The following RCOR2 variants were observed in gnomAD, a reference collection of about 807,000 sequenced individuals.
The protein encoded by RCOR2 is REST corepressor 2.
In RCOR2, 19 loss-of-function variants were observed where a neutral mutation model predicts 58.9. The ratio of observed to expected loss-of-function variants is 0.32; its 90% CI spans 0.23 to 0.47. The LOEUF (loss-of-function observed/expected upper bound fraction) is 0.47, where lower values mean the gene tolerates loss of function less well. RCOR2 is among the 20% of genes least tolerant of loss of function. RCOR2 has a pLI of 1.00. For missense variants in RCOR2, 590 were observed against 707.9 expected (o/e 0.83, Z 1.89); for synonymous variants, 286 against 278.7 (o/e 1.03, Z -0.26).
Position 63,916,514 on chromosome 11 carries a change from C to G in RCOR2, c.-58G>C, listed in dbSNP as rs1941860823. ...GCCTTCGGAGAGCGACAGTGGTTGC[C>G]GCACTCGCTCCGAGTGCCGAGCCCG... On this transcript the variant is annotated 5_prime_UTR_variant, in exon 1 of 12. Coordinates refer to ENST00000301459, the MANE Select transcript of RCOR2 (RefSeq NM_173587.4). 1 of 1,550,674 alleles carries G rather than the reference C, an allele frequency of 6.4e-7. No individual in the cohort carries two copies. Among genetic ancestry groups the G allele is most frequent in the Non-Finnish European group, 8.7e-7 (1 of 1,151,188 alleles).
rs1349749230 is a variant in RCOR2, at chr11:63,912,748, A to G, written c.970-15T>C. On this transcript the variant is annotated splice_polypyrimidine_tract_variant and intron_variant, in intron 9 of 11. Transcript: ENST00000301459. ...TTGGTGTTGGCCTGGAAAGCAAGGA[A>G]CAACATATCCTTTAGACTCAAAACC... The G allele has an allele frequency of 6.2e-7, 1 of 1,613,666 alleles. No individual in the cohort carries two copies. The highest frequency in any genetic ancestry group is 2.2e-5 in the East Asian group (1 of 44,900).
chr11:63,924,197 C>T, the RCOR2 span, among the ~76,000 whole-genome samples: 2 of 152,020 alleles, frequency 1.3e-5, no homozygotes, highest in African/African-American at 2.4e-5. Context: ...CGTGAGCCAC[C>T]ATGCCCGGTC....
At chr11:63,916,212 T>C in intron 1 of RCOR2, 118 bp downstream of exon 1, 12 of 950,056 alleles carry the variant, frequency 1.3e-5, no homozygotes, top group Non-Finnish European at 1.9e-5. Flanking sequence ...GAGGCTCCAA[T>C]CCAGGAGAGG....
Position 63,914,282 on chromosome 11 carries a change from A to C in RCOR2, c.654T>G (p.Asp218Glu). The C allele has an allele frequency of 6.2e-7, 1 of 1,613,496 alleles. No individual in the cohort carries two copies. Among genetic ancestry groups the C allele is most frequent in the Non-Finnish European group, 8.5e-7 (1 of 1,179,972 alleles). The change falls in exon 7 of 12, where the codon GAT (aspartate) becomes GAG (glutamate). Residue 218 changes from aspartate to glutamate, a missense_variant. Asp to Glu is a conservative substitution (Grantham distance 45, BLOSUM62 2). Transcript: ENST00000301459. ...GRGGVSEGEP[D>E]PADPKREPLP... Reference sequence around the variant, plus strand: ...TCACCTCTCTCTTGGGATCTGCAGGATCGGGCTCTCCCTCACTCACGCCTC... The same window carrying C: ...TCACCTCTCTCTTGGGATCTGCAGGCTCGGGCTCTCCCTCACTCACGCCTC...
At chr11:63,914,394 C>T (rs1941827251) in intron 6 of RCOR2, 23 bp downstream of exon 6, 2 of 1,613,266 alleles carry the variant, frequency 1.2e-6, no homozygotes, top group African/African-American at 2.7e-5. Flanking sequence ...ACCCCCATGC[C>T]CAGTGCTTGC....
At chr11:63,924,904 G>A in the RCOR2 span, among the ~76,000 whole-genome samples, 27 of 150,572 alleles carry the variant, frequency 1.8e-4, no homozygotes, top group Non-Finnish European at 3.7e-4. Flanking sequence ...AGGCTGGAGT[G>A]CAATGGCGCG....
the RCOR2 span, among the ~76,000 whole-genome samples, chr11:63,922,507 C>T: frequency 6.6e-6 from 1 of 152,148 alleles, no homozygotes; most frequent in Non-Finnish European, 1.5e-5. Context: ...CATGCGCCAC[C>T]ACGCCTGGCT....
chr11:63,916,719 C>A lies in RCOR2; in HGVS notation c.-263G>T. 1.9e-6 allele frequency: 1 copy of A among 514,070 alleles called. No homozygotes were observed. 31.8% of individuals were successfully genotyped at this position (514,070 alleles called of 1,614,324 possible). On this transcript the variant is annotated 5_prime_UTR_variant, in exon 1 of 12. Transcript: ENST00000301459. ...CAAGGGATGAGCGCAAGGTCCGGTG[C>A]GGCTGGGGCGTGATTACTATGTACG...
At chr11:63,923,307 C>A in the RCOR2 span, among the ~76,000 whole-genome samples, 4 of 152,124 alleles carry the variant, frequency 2.6e-5, no homozygotes, top group East Asian at 3.9e-4. Context: ...CACACACACA[C>A]CCCTGCACCT....
At position 63,916,794 on chromosome 11, in the gene RCOR2, C is replaced by A. The variant is rs942186469; in HGVS notation, c.-338G>T. 2.0e-5 allele frequency: 5 copies of A among 246,218 alleles called. No individual in the cohort carries two copies. Among genetic ancestry groups the A allele is most frequent in the African/African-American group, 9.0e-5 (4 of 44,208 alleles). The allele number at this position is 246,218 out of a possible 1,614,324, so 15.3% of individuals were successfully genotyped here. Reference sequence around the variant, plus strand: ...AAGTCGGGGCCCCCTGTCCTCGGGGCGCCCTGGAACCCCACCGCCCACCTG... The same window carrying A: ...AAGTCGGGGCCCCCTGTCCTCGGGGAGCCCTGGAACCCCACCGCCCACCTG... On this transcript the variant is annotated 5_prime_UTR_variant, in exon 1 of 12. Transcript: ENST00000301459.
Position 63,916,678 on chromosome 11 carries a change from G to T in RCOR2, c.-222C>A. 1.4e-6 allele frequency: 1 copy of T among 702,664 alleles called. No individual in the cohort carries two copies. The highest frequency in any genetic ancestry group is 2.0e-5 in the South Asian group (1 of 49,314). 43.5% of individuals were successfully genotyped at this position (702,664 alleles called of 1,614,324 possible). On this transcript the variant is annotated 5_prime_UTR_variant, in exon 1 of 12. Transcript: ENST00000301459. ...GAGCCAGGGCGTCAGAAAAGTTTGT[G>T]CAGAAGTGGGGGACGCAAGGGATGA...
chr11:63,913,959 G>A lies in RCOR2; in HGVS notation c.886C>T (p.Arg296Cys), dbSNP rs755530589. Residue 296 changes from arginine to cysteine, a missense_variant, in exon 8 of 12, where the codon CGC becomes TGC. By Grantham distance (180) the Arg-to-Cys change is radical (BLOSUM62 -3). This residue lies in a region of RCOR2 where 390 missense variants were observed against 478.7 expected (regional missense o/e 0.81). Coordinates refer to ENST00000301459, the MANE Select transcript of RCOR2 (RefSeq NM_173587.4). Reference protein sequence around the residue: ...GLDSQLISLKRQVQSMKQTNS... With the variant: ...GLDSQLISLKCQVQSMKQTNS... The stretch of plus-strand genomic sequence containing the variant: ...TTCATTTCCCAGGGCCCCACCTGGC[G>A]CTTGAGGGAGATGAGCTGAGAGTCA... 7.4e-6 allele frequency: 12 copies of A among 1,613,258 alleles called. No homozygotes were observed. The East Asian group carries it at 1.6e-4, about 21-fold the overall frequency.
chr11:63,911,932 CGGGCGCTGTGGCGGGGGGCAGCCAG>C lies in RCOR2; in HGVS notation c.1480_1504del (p.Leu494AlafsTer10). 1 of 456,218 alleles carries C rather than the reference CGGGCGCTGTGGCGGGGGGCAGCCAG, an allele frequency of 2.2e-6. No individual in the cohort carries two copies. Among genetic ancestry groups the C allele is most frequent in the Non-Finnish European group, 3.3e-6 (1 of 303,504 alleles). 28.3% of individuals were successfully genotyped at this position (456,218 alleles called of 1,614,324 possible). ...GGTGGGTGGGGGCTGAGGGCCAGGGCGGGCGCTGTGGCGGGGGGCAGCCAGAGCGGGGCGGATGAGAGGCGGTGGG... is the reference window on the plus strand; with the variant it reads ...GGTGGGTGGGGGCTGAGGGCCAGGGCAGCGGGGCGGATGAGAGGCGGTGGG... On this transcript the variant is annotated frameshift_variant, in exon 12 of 12. Coordinates refer to ENST00000301459, the MANE Select transcript of RCOR2 (RefSeq NM_173587.4). LOFTEE classifies it high-confidence loss of function.
upstream of RCOR2, among the ~76,000 whole-genome samples, chr11:63,917,526 G>A (rs1484166611): frequency 6.6e-6 from 1 of 152,124 alleles, no homozygotes; most frequent in East Asian, 1.9e-4. Flanking sequence ...CCGCCCGGGT[G>A]GAGCCCAGCT....
At chr11:63,913,450 A>G (rs977643108) in intron 8 of RCOR2, among the ~76,000 whole-genome samples, 17 of 148,382 alleles carry the variant, frequency 1.1e-4, no homozygotes, top group African/African-American at 3.9e-4. Context: ...TCAGCCTCCC[A>G]AAGTGCTGGG....
upstream of RCOR2, among the ~76,000 whole-genome samples, chr11:63,917,286 G>A (rs1941874304): frequency 6.6e-6 from 1 of 152,032 alleles, no homozygotes; most frequent in East Asian, 1.9e-4. Context: ...CGGGGCCAGG[G>A]GGCCGGGGCC....
chr11:63,915,016 TC>T, intron 3 of RCOR2, 62 bp from the exon 4 acceptor site: 1 of 1,599,938 alleles, frequency 6.3e-7, no homozygotes, highest in Non-Finnish European at 8.6e-7. Context: ...CCCAGGCCTG[TC>T]CAGAAAGGGA....
chr11:63,926,027 G>A, the RCOR2 span, among the ~76,000 whole-genome samples: 5 of 151,760 alleles, frequency 3.3e-5, no homozygotes, highest in Admixed American at 6.6e-5. Context: ...CTCCTGCCTC[G>A]ACCTCCCGAA....
chr11:63,916,094 A>G (rs2134248621), intron 1 of RCOR2, among the ~76,000 whole-genome samples: 1 of 152,252 alleles, frequency 6.6e-6, no homozygotes, highest in South Asian at 2.1e-4. Flanking sequence ...TCGGTCCCTG[A>G]GGGGGTGAGG....
Sources: allele counts gnomAD v4.1 joint callset (sites outside exome capture counted in the v4.1 genomes callset), GRCh38; gene constraint gnomAD v4.1.1; regional missense constraint gnomAD v4.1.1; transcripts MANE v1.5; gene names NCBI Gene and HGNC (gene_info 2026-07-23, HGNC 2026-07-21).